The following KMT2C variants were observed in gnomAD, a reference collection of about 807,000 sequenced individuals.
KMT2C encodes lysine methyltransferase 2C, also known as histone-lysine N-methyltransferase 2C.
KMT2C carries 88 observed loss-of-function variants against 507.9 expected under a neutral mutation model. The ratio of observed to expected loss-of-function variants is 0.17; its 90% CI spans 0.15 to 0.21. The LOEUF is 0.21. Ranked by LOEUF, KMT2C falls within the 10% of genes least tolerant of loss-of-function variation. KMT2C has a pLI of 1.00. For missense variants in KMT2C, 4,954 were observed against 5,957.8 expected (o/e 0.83, Z 5.55); for synonymous variants, 2,049 against 2,080.8 (o/e 0.98, Z 0.42).
chr7:152,198,741 A>G (rs899703979), intron 27 of KMT2C, among the ~76,000 whole-genome samples: 3 of 152,144 alleles, frequency 2.0e-5, no homozygotes, highest in African/African-American at 7.2e-5. Flanking sequence ...GATATTTTTG[A>G]TCATCATGAG....
At chr7:152,166,323 T>C (rs375690316) in intron 42 of KMT2C, among the ~76,000 whole-genome samples, 21 of 151,904 alleles carry the variant, frequency 1.4e-4, no homozygotes, top group African/African-American at 5.1e-4. Context: ...GGTTTCACCA[T>C]GTTGGCCAGG....
rs2093455158 is a variant in KMT2C, at chr7:152,182,156, C to T, written c.5704G>A (p.Val1902Ile). The T allele has an allele frequency of 1.2e-6, 2 of 1,614,108 alleles. No homozygotes were observed. The highest frequency in any genetic ancestry group is 1.7e-6 in the Non-Finnish European group (2 of 1,180,024). ...ACAGGAGGTGGTCGAGGGGTACCAACCATTTTTGCATATGGATCCATTGGA... is the reference window on the plus strand; with the variant it reads ...ACAGGAGGTGGTCGAGGGGTACCAATCATTTTTGCATATGGATCCATTGGA... ...PSPMDPYAKMVGTPRPPPVGH... is the reference protein window; with the variant it reads ...PSPMDPYAKMIGTPRPPPVGH... Residue 1902 changes from valine to isoleucine, a missense_variant, in exon 36 of 59, where the codon GTT becomes ATT. By Grantham distance (29) the Val-to-Ile change is conservative. Coordinates refer to ENST00000262189, the MANE Select transcript of KMT2C (RefSeq NM_170606.3).
At chr7:152,329,784 C>T (rs1442341317) in intron 3 of KMT2C, among the ~76,000 whole-genome samples, 4 of 151,766 alleles carry the variant, frequency 2.6e-5, no homozygotes, top group Non-Finnish European at 5.9e-5. Flanking sequence ...TGGATAATTT[C>T]ATTATTTTAT....
intron 22 of KMT2C, among the ~76,000 whole-genome samples, chr7:152,221,304 T>G (rs567658375): frequency 6.6e-6 from 1 of 152,206 alleles, no homozygotes; most frequent in East Asian, 1.9e-4. Context: ...ATAAAAAGAG[T>G]TAGAAGCACT....
chr7:152,137,012 G>T, intron 58 of KMT2C, 88 bp from the exon 59 acceptor site: 2 of 1,002,146 alleles, frequency 2.0e-6, no homozygotes, highest in Non-Finnish European at 3.1e-6. Context: ...TTTAAAACCA[G>T]CAAACGAAAC....
chr7:152,330,527 G>C (rs2129211974), intron 3 of KMT2C, 74 bp downstream of exon 3: 1 of 1,435,948 alleles, frequency 7.0e-7, no homozygotes, highest in East Asian at 2.3e-5. Flanking sequence ...CATACTCCTT[G>C]AATTTTCTCT....
intron 1 of KMT2C, among the ~76,000 whole-genome samples, chr7:152,378,415 A>G (rs2097345543): frequency 6.6e-6 from 1 of 152,276 alleles, no homozygotes; most frequent in South Asian, 2.1e-4. Context: ...CAATTTACTG[A>G]AAGCTCAGAT....
rs531711326 is a variant in KMT2C, at chr7:152,384,302, A to G, written c.162-25627T>C. Among the ~76,000 whole-genome samples, 552 of 152,236 alleles carry G rather than the reference A, an allele frequency of 3.6e-3. 1 individual carries two copies. The highest frequency in any genetic ancestry group is 5.1e-3 in the Non-Finnish European group (346 of 68,004). On this transcript the variant is annotated intron_variant, in intron 1 of 58. Transcript: ENST00000262189. Reference sequence around the variant, plus strand: ...TGACTTAAAACCCATACTACCTCTAAAGCCTCATCTCTTGACTCTCTCGCA... The same window carrying G: ...TGACTTAAAACCCATACTACCTCTAGAGCCTCATCTCTTGACTCTCTCGCA...
rs141226447 is a variant in KMT2C at position 152,224,054 on chromosome 7, C to T, written c.3284G>A (p.Arg1095Lys). The T allele has an allele frequency of 6.2e-7, 1 of 1,611,030 alleles. No homozygotes were observed. Among genetic ancestry groups the T allele is most frequent in the Non-Finnish European group, 8.5e-7 (1 of 1,179,262 alleles). Residue 1095 changes from arginine (R) to lysine (K), a missense_variant, in exon 20 of 59, where the codon AGA becomes AAA. Physicochemically the swap from Arg to Lys is conservative, Grantham distance 26 (BLOSUM62 2). Around this residue, in one of 29 missense-constraint regions of KMT2C, gnomAD observed 52 missense variants for 162.4 expected, o/e 0.32. Coordinates refer to ENST00000262189, the MANE Select transcript of KMT2C (RefSeq NM_170606.3). ...SSCPVCYRNY[R>K]EEDLILQCRQ... is the part of the protein sequence containing the mutation. ...ACATTGCAGAATAAGATCTTCTTCT[C>T]TATAGTTTCGATAGCAGACTGGACA...
chr7:152,414,016 C>T (rs539143883), intron 1 of KMT2C, among the ~76,000 whole-genome samples: 120 of 152,146 alleles, frequency 7.9e-4, no homozygotes, highest in Non-Finnish European at 1.6e-3. Flanking sequence ...TCGAGACCAG[C>T]CTGACCAACA....
chr7:152,199,162 G>T, intron 27 of KMT2C, 117 bp downstream of exon 27: 1 of 744,848 alleles, frequency 1.3e-6, no homozygotes, highest in Non-Finnish European at 2.2e-6. Flanking sequence ...ATACTTCAAT[G>T]CTGTTGATTT....
intron 3 of KMT2C, among the ~76,000 whole-genome samples, chr7:152,322,916 G>A (rs368542473): frequency 6.6e-6 from 1 of 152,004 alleles, no homozygotes; most frequent in Non-Finnish European, 1.5e-5. Flanking sequence ...ATGAGAAAAT[G>A]TTCAGCATCA....
At chr7:152,385,549 T>C (rs2097417666) in intron 1 of KMT2C, among the ~76,000 whole-genome samples, 2 of 106,884 alleles carry the variant, frequency 1.9e-5, no homozygotes, top group African/African-American at 1.0e-4. Flanking sequence ...GAGGCGGAGC[T>C]TGCAGTGAGC....
At chr7:152,219,345 G>A (rs1390055247) in intron 23 of KMT2C, among the ~76,000 whole-genome samples, 2 of 151,990 alleles carry the variant, frequency 1.3e-5, no homozygotes, top group South Asian at 4.1e-4. Context: ...TTTTTTAAGA[G>A]TTGGGTTACC....
chr7:152,421,870 G>T (rs2097779197), intron 1 of KMT2C, among the ~76,000 whole-genome samples: 1 of 152,044 alleles, frequency 6.6e-6, no homozygotes, highest in East Asian at 1.9e-4. Context: ...ATCTGTGCAT[G>T]TAACCCCTGA....
intron 9 of KMT2C, among the ~76,000 whole-genome samples, chr7:152,258,904 A>G (rs1467093648): frequency 3.3e-5 from 5 of 152,178 alleles, no homozygotes; most frequent in Non-Finnish European, 7.3e-5. Flanking sequence ...GTGTCCTTAC[A>G]TACTGCTTTA....
intron 1 of KMT2C, among the ~76,000 whole-genome samples, chr7:152,412,976 CA>C (rs1360801979): frequency 6.6e-6 from 1 of 151,992 alleles, no homozygotes; most frequent in African/African-American, 2.4e-5. Flanking sequence ...AGATTTAAGA[CA>C]TAACCAAAAA....
intron 53 of KMT2C, 73 bp downstream of exon 53, chr7:152,146,526 A>T: frequency 7.0e-7 from 1 of 1,435,748 alleles, no homozygotes; most frequent in Non-Finnish European, 9.8e-7. Context: ...CACAAATGTT[A>T]CAGCATGTGT....
In KMT2C at chr7:152,155,507, T is replaced by C. The variant is rs4726137; in HGVS notation, c.11960+403A>G. ...TCTTCCACGACGGCGTTCTCTGATA[T>C]AGCAACTTCTGCTCTTTCATTTTAG... On this transcript the variant is annotated intron_variant, in intron 46 of 58. Coordinates refer to ENST00000262189, the MANE Select transcript of KMT2C (RefSeq NM_170606.3). 2.5e-3 allele frequency among the ~76,000 whole-genome samples: 378 copies of C among 152,336 alleles called. 3 individuals carry two copies. Among genetic ancestry groups the C allele is most frequent in the Admixed American group, 0.015 (233 of 15,302 alleles).
Sources: gnomAD v4.1 joint callset for allele counts (sites outside exome capture counted in the v4.1 genomes callset) on GRCh38, gnomAD v4.1.1 for gene constraint, gnomAD v4.1.1 regional missense constraint, MANE v1.5 for transcripts, NCBI Gene and HGNC (gene_info 2026-07-23, HGNC 2026-07-21) for gene names.